Variants in DSCAML1 observed in about 807,000 individuals in gnomAD.
DSCAML1 encodes DS cell adhesion molecule like 1, also known as cell adhesion molecule DSCAML1.
A neutral mutation model predicts 200.5 loss-of-function variants in DSCAML1; 38 were observed. The ratio of observed to expected loss-of-function variants is 0.19; its 90% CI spans 0.15 to 0.25. The LOEUF (loss-of-function observed/expected upper bound fraction) is 0.25, where lower values mean the gene tolerates loss of function less well. DSCAML1 is among the 10% of genes least tolerant of loss of function. The pLI is 1.00. For synonymous variants in DSCAML1, 1,215 were observed against 1,165.0 expected (o/e 1.04, Z -0.87); for missense variants, 2,223 against 2,858.8 (o/e 0.78, Z 5.07).
chr11:117,816,607 T>A (rs1395434017), intron 1 of DSCAML1, among the ~76,000 whole-genome samples: 1 of 151,658 alleles, frequency 6.6e-6, no homozygotes, highest in Non-Finnish European at 1.5e-5. Context: ...GCCTGGAGAG[T>A]CTGGGAGGAG....
chr11:117,777,670 AG>A (rs2055153294), intron 2 of DSCAML1, among the ~76,000 whole-genome samples: 1 of 152,082 alleles, frequency 6.6e-6, no homozygotes, highest in Non-Finnish European at 1.5e-5. Context: ...CAGCCTCTAC[AG>A]CACCCCTCCC....
chr11:117,753,750 C>T lies in DSCAML1; in HGVS notation c.511+23041G>A, dbSNP rs115134795. On this transcript the variant is annotated intron_variant, in intron 3 of 32. Transcript: ENST00000651296. ...TTGCCCCCAGTATCCAGACTGCAGG[C>T]CCTTAGTTAGACATGGCTGTCACTC... Among the ~76,000 whole-genome samples, 575 of 152,318 alleles carry T rather than the reference C, an allele frequency of 3.8e-3. 4 individuals carry two copies. The highest frequency in any genetic ancestry group is 0.013 in the African/African-American group (557 of 41,560).
intron 3 of DSCAML1, among the ~76,000 whole-genome samples, chr11:117,735,272 C>T (rs556993313): frequency 4.0e-4 from 61 of 152,298 alleles, no homozygotes; most frequent in South Asian, 1.0e-3. Flanking sequence ...AGTGTGTCTA[C>T]GGCCACAGAG....
chr11:117,714,653 C>T (rs891877405), intron 3 of DSCAML1, among the ~76,000 whole-genome samples: 3 of 151,790 alleles, frequency 2.0e-5, no homozygotes, highest in African/African-American at 7.3e-5. Flanking sequence ...CCCATCTCTA[C>T]TGAAAATACA....
intron 3 of DSCAML1, among the ~76,000 whole-genome samples, chr11:117,673,847 T>C (rs2053159046): frequency 6.6e-6 from 1 of 152,238 alleles, no homozygotes; most frequent in Admixed American, 6.5e-5. Context: ...CATTGATTCA[T>C]TCCCCAACCT....
In DSCAML1 at chr11:117,707,836, A is replaced by G. The variant is rs73014437; in HGVS notation, c.511+68955T>C. Among the ~76,000 whole-genome samples, 246 of 152,282 alleles carry G rather than the reference A, an allele frequency of 1.6e-3. 1 individual carries two copies. Among genetic ancestry groups the G allele is most frequent in the Non-Finnish European group, 1.2e-3 (85 of 68,010 alleles). On this transcript the variant is annotated intron_variant, in intron 3 of 32. Transcript: ENST00000651296. The stretch of plus-strand genomic sequence containing the variant: ...GCGCGAGCCACCGTGCCTGGCCCCA[A>G]GGAAGCTTTTCAACAGTCCAGCTGC...
chr11:117,786,212 G>C (rs781037670), intron 1 of DSCAML1, among the ~76,000 whole-genome samples: 3 of 152,194 alleles, frequency 2.0e-5, no homozygotes, highest in Non-Finnish European at 2.9e-5. Flanking sequence ...GCTTCTTCTG[G>C]TCAAAGGGGG....
upstream of DSCAML1, among the ~76,000 whole-genome samples, chr11:117,799,549 C>A (rs944927642): frequency 1.3e-5 from 2 of 152,180 alleles, no homozygotes; most frequent in Non-Finnish European, 2.9e-5. Flanking sequence ...TCTGGCTGTC[C>A]CGGGAGGAGA....
At chr11:117,705,494 C>T (rs1482875133) in intron 3 of DSCAML1, among the ~76,000 whole-genome samples, 1 of 152,178 alleles carries the variant, frequency 6.6e-6, no homozygotes, top group East Asian at 1.9e-4. Flanking sequence ...ACATTCTGTA[C>T]AGTAGATAAT....
At chr11:117,477,939 A>G (rs1211938805) in intron 14 of DSCAML1, among the ~76,000 whole-genome samples, 2 of 152,210 alleles carry the variant, frequency 1.3e-5, no homozygotes, top group African/African-American at 4.8e-5. Flanking sequence ...TTAAGAGTGC[A>G]AAGCCCTTGT....
chr11:117,548,448 G>A (rs2050414893), intron 3 of DSCAML1, among the ~76,000 whole-genome samples: 1 of 152,174 alleles, frequency 6.6e-6, no homozygotes, highest in Non-Finnish European at 1.5e-5. Context: ...ACCCCAGCAA[G>A]GCCCCTCTTA....
chr11:117,651,711 CAAAAAAAAAAA>C (rs1193144259), intron 3 of DSCAML1, among the ~76,000 whole-genome samples: 8 of 31,074 alleles, frequency 2.6e-4, no homozygotes, highest in East Asian at 1.1e-3. Flanking sequence ...GACTCTGTCT[CAAAAAAAAAAA>C]AAAAAAAAAA....
chr11:117,592,155 T>G (rs528843286), intron 3 of DSCAML1, among the ~76,000 whole-genome samples: 1 of 152,254 alleles, frequency 6.6e-6, no homozygotes, highest in African/African-American at 2.4e-5. Context: ...GGGCCCGCAG[T>G]AGTCAGAGTC....
chr11:117,670,289 C>G lies in DSCAML1; in HGVS notation c.511+106502G>C, dbSNP rs370621535. Among the ~76,000 whole-genome samples, 9 of 152,162 alleles carry G rather than the reference C, an allele frequency of 5.9e-5. No homozygotes were observed. In the East Asian group the frequency reaches 1.4e-3, roughly 23 times the overall value. ...CAGTCTGCGCAGAAGACCTGTTTCC[C>G]CCACCACTGCCGCCCCCCAGACCGA... On this transcript the variant is annotated intron_variant, in intron 3 of 32. Transcript: ENST00000651296.
chr11:117,610,077 C>T (rs1253096875), intron 3 of DSCAML1, among the ~76,000 whole-genome samples: 1 of 152,178 alleles, frequency 6.6e-6, no homozygotes, highest in African/African-American at 2.4e-5. Flanking sequence ...CAACCTGCCC[C>T]CTCGAGGAGG....
rs575107618 is a variant in DSCAML1 at position 117,516,322 on chromosome 11, T to G, written c.1783+145A>C. 807 of 1,073,734 alleles carry G rather than the reference T, an allele frequency of 7.5e-4. No individual in the cohort carries two copies. The highest frequency in any genetic ancestry group is 1.9e-3 in the Admixed American group (70 of 36,266). 66.5% of individuals were successfully genotyped at this position (1,073,734 alleles called of 1,614,324 possible). On this transcript the variant is annotated intron_variant, in intron 8 of 32. Transcript: ENST00000651296. The surrounding 1 kb of genome is among the most constrained non-coding windows in gnomAD (Gnocchi z 5.7). ...ACAGTCTTCTGCCCTGCTCCCTTTT[T>G]TCTGAATGCCAAGCTGGGGCCTCTC...
At chr11:117,675,884 C>T (rs2053202886) in intron 3 of DSCAML1, among the ~76,000 whole-genome samples, 1 of 152,180 alleles carries the variant, frequency 6.6e-6, no homozygotes, top group Non-Finnish European at 1.5e-5. Flanking sequence ...ATGCAAACTG[C>T]ATCGAATGGC....
At chr11:117,653,278 C>T (rs777583996) in intron 3 of DSCAML1, among the ~76,000 whole-genome samples, 18 of 152,120 alleles carry the variant, frequency 1.2e-4, no homozygotes, top group Admixed American at 5.9e-4. Flanking sequence ...ATGATTTTCC[C>T]CAGCCATGAA....
Position 117,562,029 on chromosome 11 carries a change from G to A in DSCAML1, c.512-29507C>T, listed in dbSNP as rs185441661. On this transcript the variant is annotated intron_variant, in intron 3 of 32. Coordinates refer to ENST00000651296, the MANE Select transcript of DSCAML1 (RefSeq NM_020693.4). Reference sequence around the variant, plus strand: ...GGGGACAGTGGGAAGCAGGGGCAGGGAGGAGGCGTAGACTCACAGCCTCTG... The same window carrying A: ...GGGGACAGTGGGAAGCAGGGGCAGGAAGGAGGCGTAGACTCACAGCCTCTG... 6.8e-4 allele frequency among the ~76,000 whole-genome samples: 103 copies of A among 152,334 alleles called. 1 individual carries two copies. Among genetic ancestry groups the A allele is most frequent in the Non-Finnish European group, 1.6e-4 (11 of 68,026 alleles).
Sources: gnomAD v4.1 joint callset for allele counts (sites outside exome capture counted in the v4.1 genomes callset) on GRCh38, gnomAD v4.1.1 for gene constraint, Gnocchi (gnomAD v3.1) non-coding constraint, MANE v1.5 for transcripts, NCBI Gene and HGNC (gene_info 2026-07-23, HGNC 2026-07-21) for gene names.